The following LMO7 variants were observed in gnomAD, a reference collection of about 807,000 sequenced individuals.
LMO7 encodes the protein LIM domain 7.
In LMO7, 120 loss-of-function variants were observed where a neutral mutation model predicts 206.5. The ratio of observed to expected loss-of-function variants is 0.58; its 90% CI spans 0.50 to 0.68. LMO7 has a LOEUF of 0.68. Among genes scored for constraint, LMO7 ranks in the 30% least tolerant of loss-of-function variants. The pLI is 0.00. For missense variants in LMO7, 1,959 were observed against 1,957.9 expected (o/e 1.00, Z -0.01); for synonymous variants, 706 against 681.5 (o/e 1.04, Z -0.56).
At chr13:75,853,935 G>A (rs2060705750) in intron 28 of LMO7, among the ~76,000 whole-genome samples, 1 of 152,228 alleles carries the variant, frequency 6.6e-6, no homozygotes. Flanking sequence ...GTTTTTGATT[G>A]CGAAAATAAT....
At chr13:75,737,369 C>T (rs1232425392) in intron 3 of LMO7, among the ~76,000 whole-genome samples, 1 of 151,826 alleles carries the variant, frequency 6.6e-6, no homozygotes, top group African/African-American at 2.4e-5. Context: ...CTTAAGCCAC[C>T]TGGTTTGTTC....
chr13:75,689,459 G>T (rs984105218), intron 1 of LMO7, among the ~76,000 whole-genome samples: 10 of 151,986 alleles, frequency 6.6e-5, no homozygotes, highest in African/African-American at 2.4e-4. Context: ...TTAATATTGA[G>T]TGTCAACTTG....
intron 1 of LMO7, among the ~76,000 whole-genome samples, chr13:75,695,986 G>C (rs991326540): frequency 8.5e-5 from 13 of 152,230 alleles, no homozygotes; most frequent in African/African-American, 3.1e-4. Flanking sequence ...GACTGCTGCA[G>C]TACTCAGAAT....
intron 15 of LMO7, among the ~76,000 whole-genome samples, chr13:75,826,336 C>T (rs951161611): frequency 2.6e-5 from 4 of 152,128 alleles, no homozygotes; most frequent in African/African-American, 9.7e-5. Flanking sequence ...GCCACCACAC[C>T]CAGCTGATGT....
intron 1 of LMO7, among the ~76,000 whole-genome samples, chr13:75,690,353 G>A (rs1377922165): frequency 2.0e-5 from 3 of 151,990 alleles, no homozygotes; most frequent in Non-Finnish European, 4.4e-5. Flanking sequence ...GCCTACACTA[G>A]GCTTTCCGGG....
rs112164567 is a variant in LMO7, at chr13:75,672,365, C to T, written c.69+35639C>T. ...CAAGCAATTCTTCTGCCTCAGCCTCCTGAGTAGCTGGGATTACAGGCATGT... is the reference window on the plus strand; with the variant it reads ...CAAGCAATTCTTCTGCCTCAGCCTCTTGAGTAGCTGGGATTACAGGCATGT... On this transcript the variant is annotated intron_variant, in intron 1 of 30. Transcript: ENST00000377534. Among the ~76,000 whole-genome samples the T allele has an allele frequency of 8.2e-3, 1,250 of 152,006 alleles. 17 individuals carry two copies. The highest frequency in any genetic ancestry group is 0.028 in the African/African-American group (1,178 of 41,404).
rs1254024083 is a variant in LMO7 at position 75,752,311 on chromosome 13, A to G, written c.211-8621A>G. On this transcript the variant is annotated intron_variant, in intron 3 of 30. Transcript: ENST00000377534. ...ATGCCCAGCTAATTTTTGTATTTTT[A>G]GTAGAGACGGGGTTTCACCATGAGT... Among the ~76,000 whole-genome samples the G allele has an allele frequency of 3.3e-5, 5 of 151,942 alleles. No homozygotes were observed. In the South Asian group the frequency reaches 8.3e-4, roughly 25 times the overall value.
At chr13:75,795,290 T>C (rs1595067596) in intron 4 of LMO7, 111 bp from the exon 5 acceptor site, 1 of 710,832 alleles carries the variant, frequency 1.4e-6, no homozygotes, top group Non-Finnish European at 2.4e-6. Context: ...TGGACTTCCA[T>C]GTGATATTAA....
At chr13:75,726,738 T>C (rs1189122969) in intron 2 of LMO7, among the ~76,000 whole-genome samples, 1 of 152,126 alleles carries the variant, frequency 6.6e-6, no homozygotes, top group Non-Finnish European at 1.5e-5. Flanking sequence ...GAACGAAATA[T>C]TACTTTTCTT....
intron 1 of LMO7, among the ~76,000 whole-genome samples, chr13:75,664,430 A>T (rs2038917234): frequency 6.6e-6 from 1 of 152,072 alleles, no homozygotes; most frequent in Non-Finnish European, 1.5e-5. Flanking sequence ...TCATCTGCTG[A>T]TGGACACTTA....
chr13:75,663,981 G>A (rs2038873056), intron 1 of LMO7, among the ~76,000 whole-genome samples: 2 of 152,018 alleles, frequency 1.3e-5, no homozygotes, highest in South Asian at 4.2e-4. Flanking sequence ...TTTGTGTTAC[G>A]AACAATCCAA....
intron 1 of LMO7, chr13:75,623,217 C>A: frequency 1.2e-6 from 1 of 867,916 alleles, no homozygotes; most frequent in South Asian, 1.5e-5. Flanking sequence ...GATTACTTTT[C>A]ATTTTTTTTC....
chr13:75,698,294 A>G (rs2042037414), intron 1 of LMO7, among the ~76,000 whole-genome samples: 1 of 151,848 alleles, frequency 6.6e-6, no homozygotes, highest in African/African-American at 2.4e-5. Flanking sequence ...ACATATATGT[A>G]ATATAATATA....
chr13:75,783,886 T>C (rs2051959134), intron 4 of LMO7, among the ~76,000 whole-genome samples: 1 of 152,184 alleles, frequency 6.6e-6, no homozygotes, highest in African/African-American at 2.4e-5. Context: ...ATTTAATACC[T>C]TTTCTAGGTT....
At chr13:75,756,430 C>T (rs1422155985) in intron 3 of LMO7, among the ~76,000 whole-genome samples, 2 of 152,086 alleles carry the variant, frequency 1.3e-5, no homozygotes, top group African/African-American at 2.4e-5. Flanking sequence ...ATTGAAAAAC[C>T]TACATAGCCA....
intron 3 of LMO7, among the ~76,000 whole-genome samples, chr13:75,739,407 G>A (rs1053606850): frequency 5.3e-5 from 8 of 152,186 alleles, no homozygotes; most frequent in Non-Finnish European, 7.3e-5. Context: ...TAGAGGCTGG[G>A]AAGATTGTCT....
chr13:75,854,388 T>C (rs2060749949), intron 28 of LMO7, among the ~76,000 whole-genome samples: 1 of 152,056 alleles, frequency 6.6e-6, no homozygotes, highest in African/African-American at 2.4e-5. Flanking sequence ...TTAGGGTAAA[T>C]TTGGGTACGG....
In LMO7 at chr13:75,821,337, A is replaced by G. The variant is rs1335833867; in HGVS notation, c.2368A>G (p.Ile790Val). The G allele has an allele frequency of 1.9e-6, 3 of 1,614,054 alleles. No individual in the cohort carries two copies. The highest frequency in any genetic ancestry group is 2.5e-6 in the Non-Finnish European group (3 of 1,180,026). The change falls in exon 14 of 31, where the codon ATT becomes GTT. Residue 790 changes from isoleucine (I) to valine (V), a missense_variant. Physicochemically the swap from Ile to Val is conservative, Grantham distance 29. Coordinates refer to ENST00000377534, the MANE Select transcript of LMO7 (RefSeq NM_001306080.2). The stretch of plus-strand genomic sequence containing the variant: ...GAAGGGAGCAACTTATCCTTCAGAA[A>G]TTCCCAAAGAAGATTCTACCACTTT... ...EEKGATYPSEIPKEDSTTFAK... is the reference protein window; with the variant it reads ...EEKGATYPSEVPKEDSTTFAK...
At chr13:75,679,927 C>G (rs2040332804) in intron 1 of LMO7, among the ~76,000 whole-genome samples, 2 of 152,100 alleles carry the variant, frequency 1.3e-5, no homozygotes, top group South Asian at 4.1e-4. Flanking sequence ...ATTTTAAGTT[C>G]CAGGATACAT....
Sources: gnomAD v4.1 joint callset for allele counts (sites outside exome capture counted in the v4.1 genomes callset) on GRCh38, gnomAD v4.1.1 for gene constraint, MANE v1.5 for transcripts, NCBI Gene and HGNC (gene_info 2026-07-23, HGNC 2026-07-21) for gene names.